The following SH3RF1 variants were observed in gnomAD, a reference collection of about 807,000 sequenced individuals.
The protein encoded by SH3RF1 is SH3 domain containing ring finger 1.
In SH3RF1, 32 loss-of-function variants were observed where a neutral mutation model predicts 74.0. The observed-to-expected ratio is 0.43, with a 90% CI of 0.33 to 0.58. SH3RF1 has a LOEUF of 0.58. SH3RF1 is among the 20% of genes least tolerant of loss of function. The probability of loss-of-function intolerance (pLI) is 0.05; values close to 1 mark genes in which losing one functional copy is unlikely to be tolerated. For missense variants in SH3RF1, 954 were observed against 1,130.9 expected, an observed-to-expected ratio of 0.84 and a Z score of 2.24; for synonymous variants, 396 against 439.6, an observed-to-expected ratio of 0.90 and a Z score of 1.24.
intron 2 of SH3RF1, among the ~76,000 whole-genome samples, chr4:169,178,437 G>C (rs961777118): frequency 6.8e-6 from 1 of 147,882 alleles, no homozygotes; most frequent in Non-Finnish European, 1.5e-5. Flanking sequence ...ATTTAGCCCA[G>C]CTTCCTCACA....
intron 5 of SH3RF1, among the ~76,000 whole-genome samples, chr4:169,134,062 T>A (rs766302232): frequency 6.6e-6 from 1 of 152,152 alleles, no homozygotes; most frequent in Non-Finnish European, 1.5e-5. Flanking sequence ...TGCCCTCCAA[T>A]GTACACAGTG....
chr4:169,103,983 G>A (rs1056062439), intron 11 of SH3RF1, among the ~76,000 whole-genome samples: 10 of 152,028 alleles, frequency 6.6e-5, no homozygotes, highest in Non-Finnish European at 1.3e-4. Context: ...TGCATCCCCC[G>A]CTCCCTGAAA....
At chr4:169,155,314 T>C (rs1023502117) in intron 4 of SH3RF1, among the ~76,000 whole-genome samples, 166 bp downstream of exon 4, 3 of 152,158 alleles carry the variant, frequency 2.0e-5, no homozygotes, top group Admixed American at 6.6e-5. Flanking sequence ...TCTTCAATAA[T>C]TGTTGGATAG....
intron 2 of SH3RF1, among the ~76,000 whole-genome samples, chr4:169,221,014 G>A (rs1169651164): frequency 6.6e-6 from 1 of 152,170 alleles, no homozygotes; most frequent in Admixed American, 6.5e-5. Flanking sequence ...CTCTCGTGTC[G>A]AAAGAGTTGA....
At chr4:169,244,672 T>C (rs879709219) in intron 2 of SH3RF1, among the ~76,000 whole-genome samples, 1 of 152,010 alleles carries the variant, frequency 6.6e-6, no homozygotes, top group Admixed American at 6.6e-5. Flanking sequence ...AACTGATATG[T>C]AAAGGACATT....
intron 4 of SH3RF1, among the ~76,000 whole-genome samples, chr4:169,147,781 T>C (rs775238489): frequency 4.4e-4 from 67 of 152,228 alleles, no homozygotes; most frequent in Non-Finnish European, 8.4e-4. Context: ...AAGTCATTTA[T>C]ATGCCACACA....
intron 10 of SH3RF1, among the ~76,000 whole-genome samples, chr4:169,107,923 T>A (rs1293368616): frequency 6.6e-6 from 1 of 152,200 alleles, no homozygotes; most frequent in Admixed American, 6.5e-5. Flanking sequence ...TGATTTCTCT[T>A]TTTGCAAGCA....
intron 5 of SH3RF1, among the ~76,000 whole-genome samples, chr4:169,134,535 A>T (rs186118665): frequency 5.3e-5 from 8 of 152,272 alleles, no homozygotes; most frequent in Admixed American, 2.6e-4. Flanking sequence ...CATTGTGCAA[A>T]TGTTGCTAGG....
At chr4:169,211,444 T>A (rs889384303) in intron 2 of SH3RF1, among the ~76,000 whole-genome samples, 2 of 143,734 alleles carry the variant, frequency 1.4e-5, no homozygotes, top group African/African-American at 5.2e-5. Flanking sequence ...ATTGGGCCAC[T>A]GTACTCCAGC....
At chr4:169,229,527 A>T (rs1730701305) in intron 2 of SH3RF1, among the ~76,000 whole-genome samples, 1 of 152,008 alleles carries the variant, frequency 6.6e-6, no homozygotes, top group Non-Finnish European at 1.5e-5. Context: ...GACGTATACC[A>T]TGCCTCTCTT....
intron 2 of SH3RF1, among the ~76,000 whole-genome samples, chr4:169,254,729 C>T (rs563928453): frequency 5.8e-4 from 89 of 152,254 alleles, no homozygotes; most frequent in African/African-American, 2.0e-3. Flanking sequence ...CCATGACAGC[C>T]CTTCCACAAC....
chr4:169,183,680 C>T (rs913096773), intron 2 of SH3RF1, among the ~76,000 whole-genome samples: 3 of 151,198 alleles, frequency 2.0e-5, no homozygotes, highest in Non-Finnish European at 4.4e-5. Flanking sequence ...CCTAGGAGTT[C>T]CATGCTACAG....
chr4:169,178,472 GC>G, intron 2 of SH3RF1, among the ~76,000 whole-genome samples: 1 of 152,058 alleles, frequency 6.6e-6, no homozygotes, highest in South Asian at 2.1e-4. Context: ...TACATTCAAT[GC>G]CCAAAAGTCA....
intron 10 of SH3RF1, among the ~76,000 whole-genome samples, chr4:169,109,077 G>A (rs1733197499): frequency 1.3e-5 from 2 of 152,228 alleles, no homozygotes; most frequent in Non-Finnish European, 1.5e-5. Context: ...CCTGAGGTCT[G>A]GAAGGCCAAG....
At chr4:169,187,270 C>T (rs1427626358) in intron 2 of SH3RF1, among the ~76,000 whole-genome samples, 1 of 152,126 alleles carries the variant, frequency 6.6e-6, no homozygotes, top group Non-Finnish European at 1.5e-5. Flanking sequence ...GTAATCTTGG[C>T]TCATTGCAGC....
chr4:169,134,470 A>C (rs555348013), intron 5 of SH3RF1, among the ~76,000 whole-genome samples: 1 of 152,342 alleles, frequency 6.6e-6, no homozygotes, highest in African/African-American at 2.4e-5. Flanking sequence ...AGCTATTCCC[A>C]TTCTGAGCTG....
intron 2 of SH3RF1, among the ~76,000 whole-genome samples, chr4:169,178,237 T>C (rs905852976): frequency 8.5e-6 from 1 of 116,968 alleles, no homozygotes; most frequent in African/African-American, 3.4e-5. Context: ...TGAGACTCTG[T>C]CTCAAAAAAG....
Position 169,122,208 on chromosome 4 carries a change from G to A in SH3RF1, c.1238C>T (p.Thr413Ile), listed in dbSNP as rs1380504487. Residue 413 changes from threonine to isoleucine, a missense_variant, in exon 7 of 12, where the codon ACA becomes ATA. Physicochemically the swap from Thr to Ile is moderately conservative, Grantham distance 89 (BLOSUM62 -1). Coordinates refer to ENST00000284637, the MANE Select transcript of SH3RF1 (RefSeq NM_020870.4). ...PLLAATVLAS[T>I]PPGATAAAAA... ...AGCAGCGGCGGTGGCGCCTGGTGGT[G>A]TGGAGGCAAGGACAGTGGCAGCCAG... is the stretch of plus-strand genomic sequence containing the variant. 4 of 1,613,226 alleles carry A rather than the reference G, an allele frequency of 2.5e-6. No individual in the cohort carries two copies. Among genetic ancestry groups the A allele is most frequent in the Admixed American group, 3.3e-5 (2 of 59,864 alleles).
At chr4:169,140,279 A>C (rs1733762794) in intron 4 of SH3RF1, among the ~76,000 whole-genome samples, 1 of 152,222 alleles carries the variant, frequency 6.6e-6, no homozygotes, top group Non-Finnish European at 1.5e-5. Flanking sequence ...AATTTTGATA[A>C]AATTCATGTA....
Sources: allele counts gnomAD v4.1 joint callset (sites outside exome capture counted in the v4.1 genomes callset), GRCh38; gene constraint gnomAD v4.1.1; transcripts MANE v1.5; gene names NCBI Gene and HGNC (gene_info 2026-07-23, HGNC 2026-07-21).